Variants in PDGFD observed in about 807,000 individuals in gnomAD.
PDGFD encodes the protein platelet-derived growth factor D.
Under a neutral mutation model 44.7 loss-of-function variants are expected in PDGFD, and 30 were observed. The ratio of observed to expected loss-of-function variants is 0.67; its 90% confidence interval spans 0.50 to 0.91. PDGFD has a LOEUF of 0.91. Among genes scored for constraint, PDGFD ranks in the 40% least tolerant of loss-of-function variants. PDGFD has a pLI of 0.00. For missense variants in PDGFD, 445 were observed against 457.8 expected (o/e 0.97, Z 0.25); for synonymous variants, 173 against 168.4 (o/e 1.03, Z -0.21).
At chr11:104,118,772 A>G (rs544944736) in intron 1 of PDGFD, among the ~76,000 whole-genome samples, 1 of 105,104 alleles carries the variant, frequency 9.5e-6, no homozygotes, top group South Asian at 2.7e-4. Flanking sequence ...ATAAATATTA[A>G]TATATAATAT....
intron 1 of PDGFD, among the ~76,000 whole-genome samples, chr11:104,131,138 T>G (rs1196277034): frequency 6.6e-6 from 1 of 152,202 alleles, no homozygotes; most frequent in Non-Finnish European, 1.5e-5. Context: ...CAATATTAGT[T>G]TTGTAAATAT....
At chr11:104,111,695 G>A (rs1485386035) in intron 1 of PDGFD, among the ~76,000 whole-genome samples, 1 of 152,074 alleles carries the variant, frequency 6.6e-6, no homozygotes, top group African/African-American at 2.4e-5. Flanking sequence ...CAAGGAAGAG[G>A]CAAATTTTAG....
chr11:104,033,676 T>A (rs1229150069), intron 1 of PDGFD, among the ~76,000 whole-genome samples: 2 of 152,170 alleles, frequency 1.3e-5, no homozygotes, highest in Admixed American at 6.5e-5. Context: ...AGCCCCAGTA[T>A]AATCCTCCTC....
At chr11:104,135,139 G>A (rs2119854419) in intron 1 of PDGFD, among the ~76,000 whole-genome samples, 1 of 75,480 alleles carries the variant, frequency 1.3e-5, no homozygotes, top group South Asian at 6.4e-4. Context: ...CTTAGATGGT[G>A]TTAATATAAT....
chr11:104,037,212 A>T (rs772172796), intron 1 of PDGFD: 1 of 1,613,648 alleles, frequency 6.2e-7, no homozygotes, highest in African/African-American at 1.3e-5. Flanking sequence ...GCTTGGCGTC[A>T]GGAGAGAAGG....
Position 104,163,983 on chromosome 11 carries a change from C to T in PDGFD, c.-56G>A, listed in dbSNP as rs1565352723. The T allele has an allele frequency of 5.4e-6, 8 of 1,468,972 alleles. No individual in the cohort carries two copies. In the East Asian group the frequency reaches 7.2e-5, roughly 13 times the overall value. The allele number at this position is 1,468,972 out of a possible 1,614,324, so 91.0% of individuals were successfully genotyped here. On this transcript the variant is annotated 5_prime_UTR_variant, in exon 1 of 7. Transcript: ENST00000393158. ...CCAAGAAAAAGCCGGGTTCTGCTCC[C>T]GGGACCGACGCCGCGCCGCCCTGCG...
intron 3 of PDGFD, among the ~76,000 whole-genome samples, chr11:103,951,535 C>T (rs915648274): frequency 2.0e-5 from 3 of 152,176 alleles, no homozygotes; most frequent in Admixed American, 6.5e-5. Flanking sequence ...CTACCATTTG[C>T]CTCTATGAAC....
chr11:104,030,940 A>T (rs896336760), intron 1 of PDGFD, among the ~76,000 whole-genome samples: 1 of 152,170 alleles, frequency 6.6e-6, no homozygotes, highest in Admixed American at 6.5e-5. Context: ...TTTTATTTAC[A>T]CATTTCTCAT....
chr11:104,142,523 G>A (rs1450151616), intron 1 of PDGFD, among the ~76,000 whole-genome samples: 1 of 151,862 alleles, frequency 6.6e-6, no homozygotes. Flanking sequence ...TATCTACCTA[G>A]CATACTGCCT....
intron 1 of PDGFD, among the ~76,000 whole-genome samples, chr11:104,024,491 T>G (rs1470111077): frequency 6.6e-6 from 1 of 152,190 alleles, no homozygotes; most frequent in East Asian, 1.9e-4. Context: ...AAATTGTATG[T>G]AAGACAGTAG....
intron 5 of PDGFD, among the ~76,000 whole-genome samples, chr11:103,929,550 C>A (rs919953737): frequency 6.6e-6 from 1 of 152,200 alleles, no homozygotes; most frequent in African/African-American, 2.4e-5. Flanking sequence ...ACTTTCATTT[C>A]TTACTCACCA....
At chr11:104,093,987 T>C (rs955389412) in intron 1 of PDGFD, among the ~76,000 whole-genome samples, 20 of 151,824 alleles carry the variant, frequency 1.3e-4, no homozygotes, top group Admixed American at 1.1e-3. Context: ...TTACATGTGC[T>C]GCCTGCCTTA....
rs116122073 is a variant in PDGFD, at chr11:104,031,914, G to A, written c.125-31659C>T. The stretch of plus-strand genomic sequence containing the variant: ...AGGAACAGAAAGCCAAACGTCTCAT[G>A]TTCTCATTTATAAGTGGGAGCTGAA... On this transcript the variant is annotated intron_variant, in intron 1 of 6. Coordinates refer to ENST00000393158, the MANE Select transcript of PDGFD (RefSeq NM_025208.5). Among the ~76,000 whole-genome samples, 231 of 152,278 alleles carry A rather than the reference G, an allele frequency of 1.5e-3. 1 individual carries two copies. Among genetic ancestry groups the A allele is most frequent in the African/African-American group, 5.3e-3 (222 of 41,554 alleles).
intron 3 of PDGFD, among the ~76,000 whole-genome samples, chr11:103,993,501 T>G (rs893693273): frequency 2.6e-5 from 4 of 151,992 alleles, no homozygotes; most frequent in African/African-American, 4.8e-5. Flanking sequence ...TAAACACACT[T>G]GAAGAGGGAT....
At chr11:104,059,522 ATTG>A (rs1452929331) in intron 1 of PDGFD, among the ~76,000 whole-genome samples, 7 of 152,178 alleles carry the variant, frequency 4.6e-5, no homozygotes, top group African/African-American at 1.2e-4. Context: ...TTGTTACAGT[ATTG>A]TTATTATTTT....
rs994088602 is a variant in PDGFD at position 103,935,322 on chromosome 11, A to C, written c.772+8130T>G. Among the ~76,000 whole-genome samples the C allele has an allele frequency of 2.0e-5, 3 of 152,196 alleles. No individual in the cohort carries two copies. The East Asian group carries it at 5.8e-4, about 29-fold the overall frequency. On this transcript the variant is annotated intron_variant, in intron 5 of 6. Coordinates refer to ENST00000393158, the MANE Select transcript of PDGFD (RefSeq NM_025208.5). ...GTCCCACTGCTGAGATTTTCTTAAAATATTTCATGTGTGTGCCCTCATAGA... is the reference window on the plus strand; with the variant it reads ...GTCCCACTGCTGAGATTTTCTTAAACTATTTCATGTGTGTGCCCTCATAGA...
chr11:104,029,950 C>A (rs1233055632), intron 1 of PDGFD, among the ~76,000 whole-genome samples: 1 of 152,098 alleles, frequency 6.6e-6, no homozygotes, highest in Non-Finnish European at 1.5e-5. Flanking sequence ...CCAAAAAGCT[C>A]AAAAATCTTA....
At chr11:103,957,677 G>C (rs993168873) in intron 3 of PDGFD, among the ~76,000 whole-genome samples, 4 of 152,086 alleles carry the variant, frequency 2.6e-5, no homozygotes, top group Non-Finnish European at 5.9e-5. Flanking sequence ...ATTTGTTCTC[G>C]ATATAGTAAG....
intron 1 of PDGFD, among the ~76,000 whole-genome samples, chr11:104,076,247 C>T (rs183098581): frequency 6.6e-6 from 1 of 152,218 alleles, no homozygotes; most frequent in East Asian, 1.9e-4. Context: ...AACCTCTTTC[C>T]TTTATAAATT....
Sources: gnomAD v4.1 joint callset for allele counts (sites outside exome capture counted in the v4.1 genomes callset) on GRCh38, gnomAD v4.1.1 for gene constraint, MANE v1.5 for transcripts, NCBI Gene and HGNC (gene_info 2026-07-23, HGNC 2026-07-21) for gene names.